HPSE2: variants seen among roughly 807,000 people sequenced by gnomAD.
The protein encoded by HPSE2 is inactive heparanase-2.
A neutral mutation model predicts 60.5 loss-of-function variants in HPSE2; 38 were observed. The observed-to-expected ratio is 0.63, with a 90% CI of 0.48 to 0.82. The LOEUF (loss-of-function observed/expected upper bound fraction) is 0.82, where lower values mean the gene tolerates loss of function less well. Among genes scored for constraint, HPSE2 ranks in the 40% least tolerant of loss-of-function variants. HPSE2 has a pLI of 0.00. For synonymous variants in HPSE2, 295 were observed against 293.2 expected, an observed-to-expected ratio of 1.01 and a Z score of -0.06; for missense variants, 713 against 740.4, an observed-to-expected ratio of 0.96 and a Z score of 0.43.
chr10:98,667,684 TTATCTC>T (rs1178713078), intron 6 of HPSE2, among the ~76,000 whole-genome samples: 3 of 152,182 alleles, frequency 2.0e-5, no homozygotes, highest in Non-Finnish European at 2.9e-5. Flanking sequence ...AACCATATGA[TTATCTC>T]AATAGATGCA....
At chr10:98,739,429 C>A (rs753722420) in intron 4 of HPSE2, among the ~76,000 whole-genome samples, 5 of 150,836 alleles carry the variant, frequency 3.3e-5, no homozygotes, top group Non-Finnish European at 7.4e-5. Context: ...ATATAACAAG[C>A]CTGCCCATTC....
At chr10:99,181,732 G>T (rs1018664861) in intron 2 of HPSE2, among the ~76,000 whole-genome samples, 6 of 152,290 alleles carry the variant, frequency 3.9e-5, no homozygotes, top group Non-Finnish European at 7.3e-5. Flanking sequence ...ACCTGTGGGG[G>T]TGGGGAGCTA....
intron 3 of HPSE2, among the ~76,000 whole-genome samples, chr10:98,781,893 TG>T (rs1311917455): frequency 2.0e-5 from 3 of 149,828 alleles, no homozygotes; most frequent in Admixed American, 6.7e-5. Context: ...TATATATGGA[TG>T]TTTTTTGTTG....
At chr10:98,772,549 T>C (rs1950263389) in intron 3 of HPSE2, among the ~76,000 whole-genome samples, 1 of 152,202 alleles carries the variant, frequency 6.6e-6, no homozygotes, top group South Asian at 2.1e-4. Context: ...AGAAAACAAA[T>C]ACATTTTGAG....
chr10:98,990,774 A>G (rs1397289671), intron 3 of HPSE2, among the ~76,000 whole-genome samples: 4 of 152,232 alleles, frequency 2.6e-5, no homozygotes. Context: ...AGACATTGTT[A>G]GCTTCTATGG....
chr10:99,161,231 AAAG>A (rs1846829894), intron 2 of HPSE2, among the ~76,000 whole-genome samples: 1 of 152,062 alleles, frequency 6.6e-6, no homozygotes, highest in Non-Finnish European at 1.5e-5. Context: ...AAAAAAAAAA[AAAG>A]GACTTGTACA....
intron 3 of HPSE2, among the ~76,000 whole-genome samples, chr10:99,090,227 G>A (rs928120498): frequency 2.6e-5 from 4 of 151,928 alleles, no homozygotes; most frequent in Non-Finnish European, 4.4e-5. Flanking sequence ...ATACTCCCTA[G>A]CCCCCCTTTC....
At chr10:99,056,476 C>A (rs1441566758) in intron 3 of HPSE2, among the ~76,000 whole-genome samples, 2 of 152,088 alleles carry the variant, frequency 1.3e-5, no homozygotes, top group East Asian at 1.9e-4. Flanking sequence ...ATGCAAAAAT[C>A]TGACAAGCTG....
At chr10:98,541,788 C>T (rs1386945250) in intron 9 of HPSE2, among the ~76,000 whole-genome samples, 1 of 149,084 alleles carries the variant, frequency 6.7e-6, no homozygotes, top group Non-Finnish European at 1.5e-5. Flanking sequence ...CATTGCCCAG[C>T]CTTGCTTAGG....
At chr10:98,948,957 T>C (rs959929729) in intron 3 of HPSE2, among the ~76,000 whole-genome samples, 4 of 152,184 alleles carry the variant, frequency 2.6e-5, no homozygotes, top group African/African-American at 7.2e-5. Context: ...TGGCTGTTTA[T>C]GTTATCAATA....
intron 3 of HPSE2, among the ~76,000 whole-genome samples, chr10:98,857,975 C>T (rs1952358436): frequency 6.6e-6 from 1 of 152,134 alleles, no homozygotes; most frequent in Non-Finnish European, 1.5e-5. Context: ...AACCACTGGT[C>T]TTAGAGGCAA....
At chr10:99,198,409 T>C (rs1848471520) in intron 2 of HPSE2, among the ~76,000 whole-genome samples, 1 of 152,214 alleles carries the variant, frequency 6.6e-6, no homozygotes, top group Non-Finnish European at 1.5e-5. Context: ...CAATACATCT[T>C]TGCATAAATC....
intron 3 of HPSE2, among the ~76,000 whole-genome samples, chr10:99,135,367 A>G (rs1323561728): frequency 1.3e-5 from 2 of 152,218 alleles, no homozygotes; most frequent in Non-Finnish European, 2.9e-5. Context: ...CCTAATAGAC[A>G]TCTCCAGAAC....
chr10:98,739,098 AAAAGAG>A (rs777429541), intron 4 of HPSE2, among the ~76,000 whole-genome samples: 1 of 152,186 alleles, frequency 6.6e-6, no homozygotes, highest in Non-Finnish European at 1.5e-5. Flanking sequence ...ATAGACTAGA[AAAAGAG>A]AATGTGGCAC....
intron 2 of HPSE2, among the ~76,000 whole-genome samples, chr10:99,159,626 CCCTTA>C (rs1218089347): frequency 1.3e-5 from 2 of 152,030 alleles, no homozygotes; most frequent in Non-Finnish European, 2.9e-5. Context: ...AGAATTTAGA[CCCTTA>C]CCTTACATCA....
At chr10:99,194,031 A>T (rs923312108) in intron 2 of HPSE2, among the ~76,000 whole-genome samples, 5 of 152,132 alleles carry the variant, frequency 3.3e-5, no homozygotes, top group African/African-American at 9.6e-5. Context: ...GTAAGGCCAC[A>T]AAACAACTCT....
At chr10:99,248,954 G>A in the HPSE2 span, among the ~76,000 whole-genome samples, 1 of 152,242 alleles carries the variant, frequency 6.6e-6, no homozygotes, top group Non-Finnish European at 1.5e-5. Context: ...CAGAGGGCAA[G>A]AGCTGAGGCT....
chr10:98,916,362 T>A (rs974044063), intron 3 of HPSE2, among the ~76,000 whole-genome samples: 10 of 152,210 alleles, frequency 6.6e-5, no homozygotes, highest in African/African-American at 2.4e-4. Flanking sequence ...TGCTGTAAAT[T>A]TGCCCACTGT....
chr10:99,237,651 G>A (rs980649831), upstream of HPSE2, among the ~76,000 whole-genome samples: 5 of 152,196 alleles, frequency 3.3e-5, no homozygotes, highest in Non-Finnish European at 4.4e-5. Flanking sequence ...ACATAGTGAA[G>A]TATTGGATGT....
Sources: gnomAD v4.1 joint callset for allele counts (sites outside exome capture counted in the v4.1 genomes callset) on GRCh38, gnomAD v4.1.1 for gene constraint, MANE v1.5 for transcripts, NCBI Gene and HGNC (gene_info 2026-07-23, HGNC 2026-07-21) for gene names.